NCAM1: variants seen among roughly 807,000 people sequenced by gnomAD.
NCAM1 encodes neural cell adhesion molecule 1.
Under a neutral mutation model 109.8 loss-of-function variants are expected in NCAM1, and 14 were observed. The observed-to-expected ratio is 0.13, with a 90% CI of 0.08 to 0.20. The LOEUF (loss-of-function observed/expected upper bound fraction) is 0.20, where lower values mean the gene tolerates loss of function less well. Among genes scored for constraint, NCAM1 ranks in the 10% least tolerant of loss-of-function variants. NCAM1 has a pLI of 1.00. For missense variants in NCAM1, 774 were observed against 1,109.9 expected (o/e 0.70, Z 4.30); for synonymous variants, 418 against 442.9 (o/e 0.94, Z 0.70).
chr11:113,089,043 G>A (rs926262455), intron 1 of NCAM1, among the ~76,000 whole-genome samples: 2 of 152,140 alleles, frequency 1.3e-5, no homozygotes, highest in Non-Finnish European at 2.9e-5. Context: ...AGCCGGGCGC[G>A]GTGGCTCACG....
intron 1 of NCAM1, among the ~76,000 whole-genome samples, chr11:113,201,092 T>C (rs1164227729): frequency 6.6e-6 from 1 of 152,054 alleles, no homozygotes; most frequent in Non-Finnish European, 1.5e-5. Context: ...CCACATCACC[T>C]CTTTCTCTCT....
In NCAM1 at chr11:112,962,797, C is replaced by T. The variant is rs1339327539; in HGVS notation, c.52+1133C>T. Reference sequence around the variant, plus strand: ...CCACCCAAGGATTTGCGCTTTGGCTCTGATGGACGGGAGGGAAGGAAGAAA... The same window carrying T: ...CCACCCAAGGATTTGCGCTTTGGCTTTGATGGACGGGAGGGAAGGAAGAAA... On this transcript the variant is annotated intron_variant, in intron 1 of 19. Transcript: ENST00000316851. The surrounding 1 kb of genome is among the most constrained non-coding windows in gnomAD (Gnocchi z 5.6). Among the ~76,000 whole-genome samples the T allele has an allele frequency of 1.3e-5, 2 of 152,072 alleles. No individual in the cohort carries two copies. Among genetic ancestry groups the T allele is most frequent in the Non-Finnish European group, 1.5e-5 (1 of 68,012 alleles).
At chr11:113,184,001 G>T (rs528186210) in intron 1 of NCAM1, among the ~76,000 whole-genome samples, 1 of 152,338 alleles carries the variant, frequency 6.6e-6, no homozygotes, top group Admixed American at 6.5e-5. Flanking sequence ...TGCTCAGAAA[G>T]ATCTATCATT....
intron 1 of NCAM1, among the ~76,000 whole-genome samples, chr11:113,166,171 G>T (rs965336132): frequency 1.3e-5 from 2 of 152,042 alleles, no homozygotes; most frequent in Non-Finnish European, 2.9e-5. Context: ...TATATTTCCC[G>T]CCTTCTCCCT....
chr11:112,997,602 T>C (rs1659596789), intron 1 of NCAM1, among the ~76,000 whole-genome samples: 1 of 152,184 alleles, frequency 6.6e-6, no homozygotes, highest in African/African-American at 2.4e-5. Flanking sequence ...ATTTATTAGA[T>C]AATAAGATAC....
chr11:113,241,755 C>T (rs1945333671), intron 14 of NCAM1, among the ~76,000 whole-genome samples: 2 of 152,226 alleles, frequency 1.3e-5, no homozygotes, highest in Non-Finnish European at 1.5e-5. Context: ...CTCAGTAAGA[C>T]ACAGGATGTA....
chr11:113,094,520 T>C (rs1939504165), intron 1 of NCAM1, among the ~76,000 whole-genome samples: 1 of 152,224 alleles, frequency 6.6e-6, no homozygotes, highest in Admixed American at 6.5e-5. Context: ...CTTAAGGCTT[T>C]TCCATTGCTC....
chr11:113,119,857 C>T (rs556556198), intron 1 of NCAM1, among the ~76,000 whole-genome samples: 1 of 152,316 alleles, frequency 6.6e-6, no homozygotes, highest in East Asian at 1.9e-4. Context: ...CATAGATCTA[C>T]ACACAACCCA....
At chr11:113,097,592 G>C (rs1393741427) in intron 1 of NCAM1, among the ~76,000 whole-genome samples, 1 of 137,796 alleles carries the variant, frequency 7.3e-6, no homozygotes, top group African/African-American at 2.8e-5. Flanking sequence ...AAATTTATAA[G>C]AGGTGACTTG....
intron 1 of NCAM1, among the ~76,000 whole-genome samples, chr11:113,192,496 G>A (rs782768499): frequency 2.6e-5 from 4 of 152,216 alleles, no homozygotes; most frequent in Admixed American, 6.5e-5. Context: ...GGGAGGCACT[G>A]GATGGATTAA....
At chr11:112,985,365 T>A (rs1210923136) in intron 1 of NCAM1, among the ~76,000 whole-genome samples, 1 of 151,938 alleles carries the variant, frequency 6.6e-6, no homozygotes, top group Admixed American at 6.6e-5. Context: ...TAGGATTACA[T>A]TGGCTATTCA....
chr11:113,180,066 GC>G (rs1943285003), intron 1 of NCAM1, among the ~76,000 whole-genome samples: 1 of 152,174 alleles, frequency 6.6e-6, no homozygotes, highest in African/African-American at 2.4e-5. Flanking sequence ...AGCAACATCT[GC>G]CACCACTGCT....
intron 1 of NCAM1, among the ~76,000 whole-genome samples, chr11:113,095,114 G>A (rs1207657270): frequency 6.6e-6 from 1 of 152,078 alleles, no homozygotes; most frequent in Non-Finnish European, 1.5e-5. Flanking sequence ...GATATTTCAT[G>A]GAGTTTTTAT....
chr11:113,065,681 C>T (rs945667021), intron 1 of NCAM1, among the ~76,000 whole-genome samples: 2 of 152,110 alleles, frequency 1.3e-5, no homozygotes, highest in Non-Finnish European at 2.9e-5. Flanking sequence ...TCAAGGTTAT[C>T]AGAAGCAAGC....
intron 1 of NCAM1, chr11:113,132,808 A>G (rs1389869807): frequency 6.6e-6 from 1 of 152,076 alleles, no homozygotes; most frequent in African/African-American, 2.4e-5. Context: ...GGCCTGACCC[A>G]CCCCATAGAG....
chr11:112,972,203 A>G (rs1315546516), intron 1 of NCAM1, among the ~76,000 whole-genome samples: 1 of 152,146 alleles, frequency 6.6e-6, no homozygotes, highest in Non-Finnish European at 1.5e-5. Flanking sequence ...TGAGGTAAGT[A>G]TGTGTGTTCC....
At chr11:112,998,764 C>G (rs528157156) in intron 1 of NCAM1, among the ~76,000 whole-genome samples, 1 of 152,164 alleles carries the variant, frequency 6.6e-6, no homozygotes, top group East Asian at 1.9e-4. Flanking sequence ...CTTTCATACA[C>G]ACACGATTTA....
At chr11:113,100,909 G>T (rs1429291565) in intron 1 of NCAM1, among the ~76,000 whole-genome samples, 1 of 152,074 alleles carries the variant, frequency 6.6e-6, no homozygotes, top group Non-Finnish European at 1.5e-5. Context: ...TATCACTGTG[G>T]CCACTCTGTG....
intron 1 of NCAM1, among the ~76,000 whole-genome samples, chr11:113,000,876 T>G: frequency 7.1e-6 from 1 of 141,818 alleles, no homozygotes; most frequent in African/African-American, 2.8e-5. Flanking sequence ...TATATACACA[T>G]ACACGTATGT....
Sources: gnomAD v4.1 joint callset for allele counts (sites outside exome capture counted in the v4.1 genomes callset) on GRCh38, gnomAD v4.1.1 for gene constraint, Gnocchi (gnomAD v3.1) non-coding constraint, MANE v1.5 for transcripts, NCBI Gene and HGNC (gene_info 2026-07-23, HGNC 2026-07-21) for gene names.